TUBGCP4: variants seen among roughly 807,000 people sequenced by gnomAD.
TUBGCP4 encodes gamma-tubulin complex component 4.
In TUBGCP4, 54 loss-of-function variants were observed where a neutral mutation model predicts 91.6. The observed-to-expected ratio is 0.59, with a 90% CI of 0.47 to 0.74. The LOEUF (loss-of-function observed/expected upper bound fraction) is 0.74, where lower values mean the gene tolerates loss of function less well. Among genes scored for constraint, TUBGCP4 ranks in the 30% least tolerant of loss-of-function variants. TUBGCP4 has a pLI of 0.00. For missense variants in TUBGCP4, 593 were observed against 800.9 expected (o/e 0.74, Z 3.13); for synonymous variants, 297 against 302.8 (o/e 0.98, Z 0.20).
rs371513719 is a variant in TUBGCP4, at chr15:43,374,715, C to T, written c.79-1383C>T. ...CAGGAACCCAACAGATATTTGTACA[C>T]CCGTGTTCACCAAGCATTATTCACA... On this transcript the variant is annotated intron_variant, in intron 1 of 17. Coordinates refer to ENST00000564079, the MANE Select transcript of TUBGCP4 (RefSeq NM_014444.5). Among the ~76,000 whole-genome samples, 33 of 152,312 alleles carry T rather than the reference C, an allele frequency of 2.2e-4. No homozygotes were observed. In the East Asian group the frequency reaches 4.1e-3, roughly 19 times the overall value.
In TUBGCP4 at chr15:43,376,319, A is replaced by G. The variant is rs1042785944; in HGVS notation, c.207+93A>G. 3.4e-5 allele frequency: 54 copies of G among 1,603,690 alleles called. 1 individual carries two copies. The Admixed American group carries it at 4.9e-4, about 14-fold the overall frequency. The stretch of plus-strand genomic sequence containing the variant: ...AGGGCAGGAGCTATGTCAAGCTTTC[A>G]GTGAATTTATCGGTAATTCATGTGA... On this transcript the variant is annotated intron_variant, in intron 2 of 17. Coordinates refer to ENST00000564079, the MANE Select transcript of TUBGCP4 (RefSeq NM_014444.5).
chr15:43,394,982 A>C (rs1178807697), intron 9 of TUBGCP4, 125 bp from the exon 10 acceptor site: 20 of 1,000,284 alleles, frequency 2.0e-5, no homozygotes, highest in Non-Finnish European at 2.8e-5. Context: ...GTTTTGAGTA[A>C]ATTTTTCTAT....
At position 43,406,552 on chromosome 15, in the gene TUBGCP4, A is replaced by C. The variant is rs750576051; in HGVS notation, c.*1338A>C. On this transcript the variant is annotated 3_prime_UTR_variant, in exon 18 of 18. Coordinates refer to ENST00000564079, the MANE Select transcript of TUBGCP4 (RefSeq NM_014444.5). ...CAGCAAAGGCGAGTAGTTGTGATGG[A>C]TCAAATGGCCCACAAAGCCTGAAAT... 4.4e-6 allele frequency: 2 copies of C among 455,640 alleles called. No individual in the cohort carries two copies. Among genetic ancestry groups the C allele is most frequent in the South Asian group, 3.1e-5 (2 of 64,464 alleles). 28.2% of individuals were successfully genotyped at this position (455,640 alleles called of 1,614,324 possible). A position where few individuals can be genotyped will look rare whatever the true frequency, so the allele number is the denominator to read the frequency against.
intron 14 of TUBGCP4, 98 bp from the exon 15 acceptor site, chr15:43,401,618 T>C: frequency 7.7e-7 from 1 of 1,298,490 alleles, no homozygotes; most frequent in Non-Finnish European, 1.1e-6. Flanking sequence ...GGAAGATGAG[T>C]GGAGGCAAAG....
chr15:43,389,385 C>A (rs1595488878), intron 9 of TUBGCP4, among the ~76,000 whole-genome samples: 1 of 149,134 alleles, frequency 6.7e-6, no homozygotes, highest in Non-Finnish European at 1.5e-5. Flanking sequence ...GAGAACTTTC[C>A]TTCTATTTTT....
At chr15:43,401,512 T>C (rs1286689935) in intron 14 of TUBGCP4, among the ~76,000 whole-genome samples, 1 of 150,074 alleles carries the variant, frequency 6.7e-6, no homozygotes, top group African/African-American at 2.5e-5. Context: ...AGCCAGGACG[T>C]TGGAGGGAGG....
chr15:43,408,951 C>T lies in TUBGCP4; in HGVS notation c.*3737C>T, dbSNP rs756730049. On this transcript the variant is annotated 3_prime_UTR_variant, in exon 18 of 18. Transcript: ENST00000564079. ...GTACCCAGCTGGCAACAGATAATTA[C>T]GGTAGTTCTGGAGCTGGTTGGCATG... 3.8e-5 allele frequency: 62 copies of T among 1,614,066 alleles called. No individual in the cohort carries two copies. The highest frequency in any genetic ancestry group is 1.6e-4 in the Middle Eastern group (1 of 6,084).
At chr15:43,392,190 GTT>G (rs1208820760) in intron 9 of TUBGCP4, among the ~76,000 whole-genome samples, 1 of 133,376 alleles carries the variant, frequency 7.5e-6, no homozygotes. Flanking sequence ...CTTCCTTCGT[GTT>G]TTTTTTTTTA....
chr15:43,379,447 C>A (rs997525027), intron 5 of TUBGCP4, among the ~76,000 whole-genome samples: 1 of 152,070 alleles, frequency 6.6e-6, no homozygotes, highest in Non-Finnish European at 1.5e-5. Flanking sequence ...TGAGTCCATC[C>A]TGGCTAACAC....
intron 9 of TUBGCP4, chr15:43,394,319 T>G (rs927209155): frequency 3.9e-5 from 6 of 152,106 alleles, no homozygotes; most frequent in Non-Finnish European, 8.8e-5. Flanking sequence ...CCTAACCTTG[T>G]GATCCGCCCA....
chr15:43,374,455 A>T (rs7170152), intron 1 of TUBGCP4, among the ~76,000 whole-genome samples: 68,803 of 151,424 alleles, frequency 0.45, 19,972 homozygotes, highest in African/African-American at 0.83. Flanking sequence ...CAAAAAAAAA[A>T]TTTTTAATTA....
intron 1 of TUBGCP4, among the ~76,000 whole-genome samples, chr15:43,373,895 G>A (rs890358476): frequency 2.6e-5 from 4 of 151,926 alleles, no homozygotes; most frequent in African/African-American, 7.3e-5. Context: ...CTCGTGATCC[G>A]CCCACCTCGG....
Position 43,403,777 on chromosome 15 carries a change from C to A in TUBGCP4, c.1826C>A (p.Ala609Asp), listed in dbSNP as rs763051584. The change falls in exon 16 of 18, where the codon GCC becomes GAC. Residue 609 changes from alanine (A) to aspartate (D), a missense_variant. Coordinates refer to ENST00000564079, the MANE Select transcript of TUBGCP4 (RefSeq NM_014444.5). Reference protein sequence around the residue: ...NLGPLDERGAAQLSILVKGFS... With the variant: ...NLGPLDERGADQLSILVKGFS... ...GGCCCACTGGATGAGCGTGGAGCCG[C>A]CCAGCTGAGCATTCTCGTGAAGGTG... 1.2e-6 allele frequency: 2 copies of A among 1,613,740 alleles called. No individual in the cohort carries two copies. Among genetic ancestry groups the A allele is most frequent in the South Asian group, 1.1e-5 (1 of 91,066 alleles).
At position 43,386,256 on chromosome 15, in the gene TUBGCP4, C is replaced by G. The variant is rs1380426506; in HGVS notation, c.940C>G (p.Leu314Val). 8 of 1,605,138 alleles carry G rather than the reference C, an allele frequency of 5.0e-6. No individual in the cohort carries two copies. The highest frequency in any genetic ancestry group is 6.8e-6 in the Non-Finnish European group (8 of 1,177,248). The change falls in exon 9 of 18, where the codon CTC (leucine) becomes GTC (valine). Residue 314 changes from leucine (L) to valine (V), a missense_variant. Coordinates refer to ENST00000564079, the MANE Select transcript of TUBGCP4 (RefSeq NM_014444.5). ...CACTTTTGCTGCAGAGCTGCACCGT[C>G]TCAAGCAGCAGCCACTCTTCAGCTT... ...EDTFAAELHR[L>V]KQQPLFSLVD...
At chr15:43,390,508 C>CT (rs2044448602) in intron 9 of TUBGCP4, among the ~76,000 whole-genome samples, 1 of 129,534 alleles carries the variant, frequency 7.7e-6, no homozygotes, top group African/African-American at 3.8e-5. Context: ...AATCTTTTTT[C>CT]TTTTTTCTTT....
In TUBGCP4 at chr15:43,406,358, T is replaced by G; in HGVS notation, c.*1144T>G. 1 of 315,730 alleles carries G rather than the reference T, an allele frequency of 3.2e-6. No homozygotes were observed. Among genetic ancestry groups the G allele is most frequent in the Non-Finnish European group, 6.3e-6 (1 of 159,296 alleles). 19.6% of individuals were successfully genotyped at this position (315,730 alleles called of 1,614,324 possible). On this transcript the variant is annotated 3_prime_UTR_variant, in exon 18 of 18. Coordinates refer to ENST00000564079, the MANE Select transcript of TUBGCP4 (RefSeq NM_014444.5). Reference sequence around the variant, plus strand: ...ACATATTCTACACACACTGGGAAGCTCTGACAACTTATTCCCTGCTATTAT... The same window carrying G: ...ACATATTCTACACACACTGGGAAGCGCTGACAACTTATTCCCTGCTATTAT...
intron 7 of TUBGCP4, among the ~76,000 whole-genome samples, chr15:43,383,843 C>T (rs754408288): frequency 2.0e-5 from 3 of 152,008 alleles, no homozygotes; most frequent in Admixed American, 6.5e-5. Flanking sequence ...ACCCATCGCC[C>T]AGGCTGGAGT....
At chr15:43,396,074 T>C (rs1055893420) in intron 11 of TUBGCP4, among the ~76,000 whole-genome samples, 1 of 152,238 alleles carries the variant, frequency 6.6e-6, no homozygotes, top group South Asian at 2.1e-4. Context: ...TTTGCTATTG[T>C]ATCTAAAACC....
At chr15:43,395,194 T>C (rs2044560971) in intron 10 of TUBGCP4, 37 bp downstream of exon 10, 2 of 1,609,522 alleles carry the variant, frequency 1.2e-6, no homozygotes, top group Non-Finnish European at 1.7e-6. Flanking sequence ...ACGGTGATGC[T>C]GGTAGGCAGT....
Sources: allele counts gnomAD v4.1 joint callset (sites outside exome capture counted in the v4.1 genomes callset), GRCh38; gene constraint gnomAD v4.1.1; transcripts MANE v1.5; gene names NCBI Gene and HGNC (gene_info 2026-07-23, HGNC 2026-07-21).